The following C19orf44 variants were observed in gnomAD, a reference collection of about 807,000 sequenced individuals.
C19orf44 encodes the protein chromosome 19 open reading frame 44, also known as uncharacterized protein C19orf44.
A neutral mutation model predicts 50.7 loss-of-function variants in C19orf44; 43 were observed. The observed-to-expected ratio is 0.85, with a 90% CI of 0.66 to 1.09. C19orf44 has a LOEUF of 1.09. Among genes scored for constraint, C19orf44 ranks in the 50% least tolerant of loss-of-function variants. The pLI, the probability that C19orf44 is intolerant of heterozygous loss-of-function variation, is 0.00. For missense variants in C19orf44, 722 were observed against 836.2 expected (o/e 0.86, Z 1.68); for synonymous variants, 298 against 334.7 (o/e 0.89, Z 1.20).
At position 16,520,935 on chromosome 19, in the gene C19orf44, T is replaced by C. The variant is rs772229224; in HGVS notation, c.*882T>C. 4.5e-5 allele frequency: 72 copies of C among 1,601,302 alleles called. No homozygotes were observed. Among genetic ancestry groups the C allele is most frequent in the Non-Finnish European group, 5.9e-5 (69 of 1,169,222 alleles). On this transcript the variant is annotated 3_prime_UTR_variant, in exon 9 of 9. Coordinates refer to ENST00000221671, the MANE Select transcript of C19orf44 (RefSeq NM_032207.4). The surrounding 1 kb of genome is among the most constrained non-coding windows in gnomAD (Gnocchi z 4.0). The stretch of plus-strand genomic sequence containing the variant: ...TCACTGTAAGACACGGCATTCCGTG[T>C]GTGACCACGTGACACCCACCCACAA...
At chr19:16,510,694 G>C (rs2093454723) in intron 5 of C19orf44, among the ~76,000 whole-genome samples, 1 of 152,104 alleles carries the variant, frequency 6.6e-6, no homozygotes, top group Admixed American at 6.6e-5. Context: ...TTGTCCTGGA[G>C]AATGAACACC....
At chr19:16,508,928 C>G (rs1477698309) in intron 4 of C19orf44, among the ~76,000 whole-genome samples, 2 of 151,898 alleles carry the variant, frequency 1.3e-5, no homozygotes, top group Non-Finnish European at 2.9e-5. Context: ...TCAAGTGATT[C>G]TCCTGCCTTA....
In C19orf44 at chr19:16,503,336, C is replaced by A. The variant is rs761576423; in HGVS notation, c.1031C>A (p.Thr344Asn). ...VSSPGRSEAETVDEPVSEGAD... is the reference protein window; with the variant it reads ...VSSPGRSEAENVDEPVSEGAD... ...TCCCCGGGAAGGAGTGAGGCTGAGA[C>A]TGTGGACGAGCCAGTCTCAGAAGGT... The change falls in exon 3 of 9, where the codon ACT becomes AAT. Residue 344 changes from threonine (T) to asparagine (N), a missense_variant. Transcript: ENST00000221671. The A allele has an allele frequency of 6.2e-7, 1 of 1,612,920 alleles. No individual in the cohort carries two copies. The highest frequency in any genetic ancestry group is 8.5e-7 in the Non-Finnish European group (1 of 1,179,286).
At chr19:16,499,298 T>C (rs1298640231) in intron 1 of C19orf44, among the ~76,000 whole-genome samples, 1 of 152,080 alleles carries the variant, frequency 6.6e-6, no homozygotes, top group Non-Finnish European at 1.5e-5. Flanking sequence ...TTTTTTTCTT[T>C]TTTTTTGAGA....
Position 16,509,647 on chromosome 19 carries a change from C to T in C19orf44, c.1298C>T (p.Ser433Leu), listed in dbSNP as rs768812832. ...ASAEGDESEV[S>L]EHLSASSASA... ...GCAGAGGGGGATGAGAGCGAGGTCT[C>T]GGAGCATCTCAGTGCCAGCTCGGCT... Residue 433 changes from serine (S) to leucine (L), a missense_variant, in exon 5 of 9, where the codon TCG becomes TTG. Transcript: ENST00000221671. 24 of 1,614,090 alleles carry T rather than the reference C, an allele frequency of 1.5e-5. No individual in the cohort carries two copies. The Middle Eastern group carries it at 4.9e-4, about 33-fold the overall frequency.
Position 16,519,145 on chromosome 19 carries a change from C to T in C19orf44, c.*41-949C>T, listed in dbSNP as rs563213714. ...GGCACCGCTGGCCACCGGCGCGGCT[C>T]CCGGCATGGGCGCCTACTTACACTC... On this transcript the variant is annotated intron_variant, in intron 8 of 8. Transcript: ENST00000221671. The surrounding 1 kb of genome is among the most constrained non-coding windows in gnomAD (Gnocchi z 6.0). 1 of 1,608,454 alleles carries T rather than the reference C, an allele frequency of 6.2e-7. No homozygotes were observed.
At position 16,501,259 on chromosome 19, in the gene C19orf44, G is replaced by A. The variant is rs1489590370; in HGVS notation, c.467G>A (p.Arg156His). The change falls in exon 2 of 9, where the codon CGT (arginine) becomes CAT (histidine). Residue 156 changes from arginine (R) to histidine (H), a missense_variant. Transcript: ENST00000221671. ...GACAAAACTTCCCAGAATCAAGCCCGTGAACTTCCTGTCACCGAAAATAAT... is the reference window on the plus strand; with the variant it reads ...GACAAAACTTCCCAGAATCAAGCCCATGAACTTCCTGTCACCGAAAATAAT... ...NTDKTSQNQA[R>H]ELPVTENNAQ... 1.1e-5 allele frequency: 17 copies of A among 1,614,030 alleles called. No individual in the cohort carries two copies. The highest frequency in any genetic ancestry group is 4.0e-5 in the African/African-American group (3 of 74,918).
intron 7 of C19orf44, among the ~76,000 whole-genome samples, chr19:16,515,944 G>C (rs1219514867): frequency 6.6e-6 from 1 of 151,618 alleles, no homozygotes. Flanking sequence ...TTACAGGTGC[G>C]AACCACCATG....
chr19:16,519,510 G>A lies in C19orf44; in HGVS notation c.*41-584G>A, dbSNP rs545836628. ...AGAGGGTCTGGGTGGAGTCAGAACC[G>A]GCCTGACTCCATCCATCCCCACATG... On this transcript the variant is annotated intron_variant, in intron 8 of 8. Coordinates refer to ENST00000221671, the MANE Select transcript of C19orf44 (RefSeq NM_032207.4). The surrounding 1 kb of genome is among the most constrained non-coding windows in gnomAD (Gnocchi z 6.0). 9.4e-5 allele frequency: 120 copies of A among 1,270,054 alleles called. No individual in the cohort carries two copies. Among genetic ancestry groups the A allele is most frequent in the Admixed American group, 1.6e-4 (9 of 55,530 alleles). 78.7% of individuals were successfully genotyped at this position (1,270,054 alleles called of 1,614,324 possible).
chr19:16,497,416 T>A (rs559533584), intron 1 of C19orf44, among the ~76,000 whole-genome samples: 17 of 145,650 alleles, frequency 1.2e-4, no homozygotes, highest in African/African-American at 4.3e-4. Flanking sequence ...AATGGTGCGA[T>A]CTCGGCTCAC....
chr19:16,519,968 C>T lies in C19orf44; in HGVS notation c.*41-126C>T, dbSNP rs995131029. 8.5e-6 allele frequency: 6 copies of T among 704,188 alleles called. No homozygotes were observed. Among genetic ancestry groups the T allele is most frequent in the Non-Finnish European group, 1.4e-5 (6 of 418,684 alleles). 43.6% of individuals were successfully genotyped at this position (704,188 alleles called of 1,614,324 possible). A position where few individuals can be genotyped will look rare whatever the true frequency, so the allele number is the denominator to read the frequency against. On this transcript the variant is annotated intron_variant, in intron 8 of 8. Coordinates refer to ENST00000221671, the MANE Select transcript of C19orf44 (RefSeq NM_032207.4). The surrounding 1 kb of genome is among the most constrained non-coding windows in gnomAD (Gnocchi z 6.0). The stretch of plus-strand genomic sequence containing the variant: ...CAGATGGTGGTTAGAAAGCAGACCC[C>T]AGTTACTGCCTCAGGCTTCGCCAAG...
rs936712434 is a variant in C19orf44 at position 16,521,014 on chromosome 19, T to C, written c.*961T>C. On this transcript the variant is annotated 3_prime_UTR_variant, in exon 9 of 9. Coordinates refer to ENST00000221671, the MANE Select transcript of C19orf44 (RefSeq NM_032207.4). ...AATCCACAGAACCTTGGAGAGTACA[T>C]GGCCCTGTGGCTGTGGGCTCCGAGC... 7.1e-6 allele frequency: 7 copies of C among 988,210 alleles called. No individual in the cohort carries two copies. The highest frequency in any genetic ancestry group is 4.8e-5 in the African/African-American group (3 of 63,050). The allele number at this position is 988,210 out of a possible 1,614,324, so 61.2% of individuals were successfully genotyped here.
At chr19:16,517,080 C>A (rs1333235463) in intron 7 of C19orf44, 150 bp from the exon 8 acceptor site, 15 of 700,800 alleles carry the variant, frequency 2.1e-5, no homozygotes. Flanking sequence ...CGTGCGCCAA[C>A]CTGTCACACA....
intron 5 of C19orf44, among the ~76,000 whole-genome samples, chr19:16,512,369 C>T (rs1350295551): frequency 6.6e-6 from 1 of 152,126 alleles, no homozygotes; most frequent in Non-Finnish European, 1.5e-5. Context: ...ACGCTGGCCT[C>T]AGAGCCCAGA....
chr19:16,500,706 T>C, intron 1 of C19orf44, 86 bp from the exon 2 acceptor site: 2 of 1,328,702 alleles, frequency 1.5e-6, no homozygotes, highest in Non-Finnish European at 2.1e-6. Flanking sequence ...CAAAAGACAG[T>C]GTGAGCTTTT....
rs753356848 is a variant in C19orf44 at position 16,519,402 on chromosome 19, G to A, written c.*41-692G>A. On this transcript the variant is annotated intron_variant, in intron 8 of 8. Coordinates refer to ENST00000221671, the MANE Select transcript of C19orf44 (RefSeq NM_032207.4). This position sits in a 1 kb window ranked among gnomAD's most constrained non-coding sequence, Gnocchi z 6.0. ...CCACAACAAGGCGGAGGCAGATGGG[G>A]GTGCACGTGGGGGGCTGAATGTCCA... 6.4e-6 allele frequency: 10 copies of A among 1,558,440 alleles called. No individual in the cohort carries two copies. The Admixed American group carries it at 1.1e-4, about 17-fold the overall frequency.
intron 1 of C19orf44, among the ~76,000 whole-genome samples, chr19:16,498,264 A>G (rs1209493143): frequency 6.6e-6 from 1 of 152,096 alleles, no homozygotes; most frequent in Non-Finnish European, 1.5e-5. Context: ...CAATTCCCCC[A>G]ACAACATATG....
In C19orf44 at chr19:16,503,187, A is replaced by G. The variant is rs1440720299; in HGVS notation, c.882A>G (p.Ser294=). ...AADRTLHSTR[S]RADYPQSHVS... ...ACAGAACCCTTCACAGCACTCGCTC[A>G]AGAGCAGACTACCCACAGAGTCACG... The change falls in exon 3 of 9, where the codon TCA becomes TCG. Residue 294 remains serine (S), a synonymous_variant. Coordinates refer to ENST00000221671, the MANE Select transcript of C19orf44 (RefSeq NM_032207.4). 37 of 1,614,110 alleles carry G rather than the reference A, an allele frequency of 2.3e-5. No individual in the cohort carries two copies. Among genetic ancestry groups the G allele is most frequent in the Non-Finnish European group, 3.1e-5 (37 of 1,180,016 alleles).
At position 16,509,731 on chromosome 19, in the gene C19orf44, T is replaced by C. The variant is rs755962723; in HGVS notation, c.1382T>C (p.Val461Ala). 6.2e-6 allele frequency: 10 copies of C among 1,614,234 alleles called. No homozygotes were observed. In the East Asian group the frequency reaches 2.0e-4, roughly 32 times the overall value. The change falls in exon 5 of 9, where the codon GTG (valine) becomes GCG (alanine). Residue 461 changes from valine (V) to alanine (A), a missense_variant. Val to Ala is a moderately conservative substitution (Grantham distance 64). Transcript: ENST00000221671. ...SMQPPSEAPM[V>A]NTVSSAYSED... ...CAGCCACCATCTGAAGCCCCCATGG[T>C]GAACACAGTCAGCTCAGCTTATTCG... is the stretch of plus-strand genomic sequence containing the variant.
Sources: allele counts gnomAD v4.1 joint callset (sites outside exome capture counted in the v4.1 genomes callset), GRCh38; gene constraint gnomAD v4.1.1; non-coding constraint Gnocchi (gnomAD v3.1); transcripts MANE v1.5; gene names NCBI Gene and HGNC (gene_info 2026-07-23, HGNC 2026-07-21).